Variants in C6 observed in about 807,000 individuals in gnomAD.
The protein encoded by C6 is complement component C6.
Under a neutral mutation model 112.9 loss-of-function variants are expected in C6, and 101 were observed. The observed-to-expected ratio is 0.89, with a 90% CI of 0.76 to 1.06. The LOEUF is 1.06. Among genes scored for constraint, C6 ranks in the 50% least tolerant of loss-of-function variants. The probability of loss-of-function intolerance (pLI) is 0.00; values close to 1 mark genes in which losing one functional copy is unlikely to be tolerated. For synonymous variants in C6, 431 were observed against 384.1 expected, an observed-to-expected ratio of 1.12 and a Z score of -1.43; for missense variants, 1,202 against 1,104.6, an observed-to-expected ratio of 1.09 and a Z score of -1.25.
chr5:41,206,129 A>G (rs2150376941), intron 1 of C6, among the ~76,000 whole-genome samples: 1 of 151,952 alleles, frequency 6.6e-6, no homozygotes, highest in Middle Eastern at 3.4e-3. Flanking sequence ...ACCTCCAGCA[A>G]ACTCCAACAG....
At chr5:41,238,765 A>G (rs1740498236) in intron 1 of C6, among the ~76,000 whole-genome samples, 1 of 152,224 alleles carries the variant, frequency 6.6e-6, no homozygotes, top group Non-Finnish European at 1.5e-5. Flanking sequence ...CCTGAAGGGC[A>G]TAGATATTAG....
In C6 at chr5:41,142,667, A is replaced by G. The variant is rs940506242; in HGVS notation, c.*158T>C. ...TGAATAAGACATGCCCAAACAGGAG[A>G]GTCAGGGGAGAATAATGATCTCAAA... is the stretch of plus-strand genomic sequence containing the variant. On this transcript the variant is annotated 3_prime_UTR_variant, in exon 18 of 18. Transcript: ENST00000337836. The G allele has an allele frequency of 4.9e-5, 33 of 672,816 alleles. No homozygotes were observed. Among genetic ancestry groups the G allele is most frequent in the Non-Finnish European group, 8.9e-5 (33 of 370,784 alleles). The allele number at this position is 672,816 out of a possible 1,614,324, so 41.7% of individuals were successfully genotyped here.
chr5:41,203,223 C>G lies in C6; in HGVS notation c.8G>C (p.Arg3Thr). 3.7e-6 allele frequency: 6 copies of G among 1,614,148 alleles called. No homozygotes were observed. Among genetic ancestry groups the G allele is most frequent in the Non-Finnish European group, 5.1e-6 (6 of 1,179,976 alleles). The change falls in exon 2 of 18, where the codon AGA becomes ACA. Residue 3 changes from arginine to threonine, a missense_variant. Physicochemically the swap from Arg to Thr is moderately conservative, Grantham distance 71. Transcript: ENST00000337836. ...CAGGATGAAGTACAAGACAGAGCGT[C>G]TGGCCATGCCTTGAGAGCCTCCAGG... The part of the protein sequence containing the change: MA[R>T]RSVLYFILLN...
chr5:41,223,723 A>G (rs1474357774), intron 1 of C6, among the ~76,000 whole-genome samples: 1 of 152,224 alleles, frequency 6.6e-6, no homozygotes, highest in Non-Finnish European at 1.5e-5. Context: ...TAAACCAAGT[A>G]TAGTAATCAA....
chr5:41,214,923 G>C (rs1752143235), upstream of C6, among the ~76,000 whole-genome samples: 1 of 152,106 alleles, frequency 6.6e-6, no homozygotes, highest in African/African-American at 2.4e-5. Flanking sequence ...CAGGTGGAGA[G>C]AGTTAAGGAT....
chr5:41,191,016 G>A (rs1202685232), intron 5 of C6, among the ~76,000 whole-genome samples: 2 of 144,810 alleles, frequency 1.4e-5, no homozygotes, highest in Non-Finnish European at 3.0e-5. Context: ...TTTGTAACAT[G>A]TAACACATGT....
At chr5:41,192,090 T>C (rs1046579726) in intron 5 of C6, among the ~76,000 whole-genome samples, 5 of 152,210 alleles carry the variant, frequency 3.3e-5, no homozygotes, top group African/African-American at 7.2e-5. Flanking sequence ...TTTCTAATTT[T>C]TGAGAGTTTT....
chr5:41,223,282 G>A (rs527608753), intron 1 of C6, among the ~76,000 whole-genome samples: 1 of 152,284 alleles, frequency 6.6e-6, no homozygotes, highest in East Asian at 1.9e-4. Context: ...TGATGATTTC[G>A]TTATTCTCCA....
chr5:41,252,486 C>T (rs1451197865), intron 1 of C6, among the ~76,000 whole-genome samples: 1 of 152,164 alleles, frequency 6.6e-6, no homozygotes, highest in Non-Finnish European at 1.5e-5. Flanking sequence ...CAGTGAGATA[C>T]CCAACTCCAA....
chr5:41,215,289 G>T (rs1031177211), upstream of C6, among the ~76,000 whole-genome samples: 1 of 152,148 alleles, frequency 6.6e-6, no homozygotes, highest in East Asian at 1.9e-4. Context: ...TATAGGAAAA[G>T]TTGCAACCCA....
At position 41,142,264 on chromosome 5, in the gene C6, T is replaced by G. The variant is rs1745422179; in HGVS notation, c.*561A>C. 6.4e-6 allele frequency: 1 copy of G among 155,572 alleles called. No homozygotes were observed. The highest frequency in any genetic ancestry group is 2.0e-4 in the South Asian group (1 of 5,114). 9.6% of individuals were successfully genotyped at this position (155,572 alleles called of 1,614,324 possible). On this transcript the variant is annotated 3_prime_UTR_variant, in exon 18 of 18. Transcript: ENST00000337836. ...ATATTTTACCTGTTTATTTCATTTTTTGTGTGTCTACCCCTGAATGAATGT... is the reference window on the plus strand; with the variant it reads ...ATATTTTACCTGTTTATTTCATTTTGTGTGTGTCTACCCCTGAATGAATGT...
upstream of C6, among the ~76,000 whole-genome samples, chr5:41,214,977 C>G (rs1752146036): frequency 6.6e-6 from 1 of 152,004 alleles, no homozygotes; most frequent in South Asian, 2.1e-4. Flanking sequence ...GTCTGTGATC[C>G]AAACACTAGA....
Position 41,160,394 on chromosome 5 carries a change from C to T in C6, c.1459-27G>A, listed in dbSNP as rs1256355419. 3 of 1,541,840 alleles carry T rather than the reference C, an allele frequency of 1.9e-6. No individual in the cohort carries two copies. The South Asian group carries it at 3.3e-5, about 17-fold the overall frequency. ...TAGGAGAAAATGGGAGAGAGGAGGT[C>T]CAGTCACATCCCCTTTGGTAATAGG... On this transcript the variant is annotated intron_variant, in intron 10 of 17. Transcript: ENST00000337836.
chr5:41,246,284 C>G (rs992099752), intron 1 of C6, among the ~76,000 whole-genome samples: 1 of 152,128 alleles, frequency 6.6e-6, no homozygotes, highest in African/African-American at 2.4e-5. Context: ...GCTTGTAAAT[C>G]AACAGATGCC....
chr5:41,224,112 C>T (rs1739339477), intron 1 of C6, among the ~76,000 whole-genome samples: 1 of 152,100 alleles, frequency 6.6e-6, no homozygotes, highest in Non-Finnish European at 1.5e-5. Context: ...TATATGTATA[C>T]ATTGTGCAAT....
upstream of C6, chr5:41,213,540 C>T: frequency 2.0e-6 from 2 of 985,340 alleles, no homozygotes; most frequent in African/African-American, 1.7e-5. Context: ...CCTAGCAACA[C>T]CTAGAGGGTT....
intron 1 of C6, among the ~76,000 whole-genome samples, chr5:41,256,018 T>C (rs1449886719): frequency 1.3e-5 from 2 of 152,308 alleles, no homozygotes; most frequent in Non-Finnish European, 2.9e-5. Context: ...GCAAATGTCA[T>C]GTTAGATGTA....
chr5:41,188,845 TG>T (rs1477546371), intron 5 of C6, among the ~76,000 whole-genome samples: 1 of 151,912 alleles, frequency 6.6e-6, no homozygotes, highest in East Asian at 1.9e-4. Context: ...ACTCATATAA[TG>T]GGAGAAAATA....
intron 5 of C6, among the ~76,000 whole-genome samples, chr5:41,188,686 C>G (rs1749971131): frequency 6.6e-6 from 1 of 151,866 alleles, no homozygotes; most frequent in African/African-American, 2.4e-5. Context: ...CAATATAGGA[C>G]TAAATATTTG....
Sources: allele counts gnomAD v4.1 joint callset (sites outside exome capture counted in the v4.1 genomes callset), GRCh38; gene constraint gnomAD v4.1.1; transcripts MANE v1.5; gene names NCBI Gene and HGNC (gene_info 2026-07-23, HGNC 2026-07-21).